EPHB1: variants seen among roughly 807,000 people sequenced by gnomAD.
EPHB1 encodes the protein ephrin type-B receptor 1.
A neutral mutation model predicts 94.4 loss-of-function variants in EPHB1; 30 were observed. The ratio of observed to expected loss-of-function variants is 0.32; its 90% CI spans 0.24 to 0.43. The LOEUF (loss-of-function observed/expected upper bound fraction) is 0.43, where lower values mean the gene tolerates loss of function less well. Among genes scored for constraint, EPHB1 ranks in the 20% least tolerant of loss-of-function variants. EPHB1 has a pLI of 1.00. For synonymous variants in EPHB1, 522 were observed against 489.1 expected (o/e 1.07, Z -0.89); for missense variants, 1,055 against 1,308.3 (o/e 0.81, Z 2.99).
intron 3 of EPHB1, among the ~76,000 whole-genome samples, chr3:135,100,011 A>G (rs1429933900): frequency 6.6e-6 from 1 of 152,136 alleles, no homozygotes; most frequent in East Asian, 1.9e-4. Context: ...AGAAAAAGGC[A>G]CCCAGTTCTT....
chr3:134,802,503 G>T (rs192400820), intron 1 of EPHB1, among the ~76,000 whole-genome samples: 2 of 152,272 alleles, frequency 1.3e-5, no homozygotes, highest in Admixed American at 6.5e-5. Context: ...TCAGACATCA[G>T]GGATCGGAAA....
chr3:134,839,508 A>G (rs1177211938), intron 1 of EPHB1, among the ~76,000 whole-genome samples: 1 of 152,126 alleles, frequency 6.6e-6, no homozygotes, highest in Non-Finnish European at 1.5e-5. Context: ...GTTAAAAGGC[A>G]GAGGGGTAGG....
intron 12 of EPHB1, among the ~76,000 whole-genome samples, chr3:135,232,781 A>G (rs1576487210): frequency 6.6e-6 from 1 of 152,174 alleles, no homozygotes; most frequent in South Asian, 2.1e-4. Context: ...ATGGCTGGGG[A>G]GGCTTCAGGA....
intron 1 of EPHB1, among the ~76,000 whole-genome samples, chr3:134,826,251 C>CAAAAAAAAA (rs34084951): frequency 4.7e-4 from 56 of 118,964 alleles, no homozygotes; most frequent in South Asian, 3.2e-3. Context: ...GACTCCATCT[C>CAAAAAAAAA]AAAAAAAAAA....
intron 3 of EPHB1, among the ~76,000 whole-genome samples, chr3:135,009,608 G>C (rs1935550174): frequency 1.3e-5 from 2 of 152,182 alleles, no homozygotes; most frequent in Admixed American, 1.3e-4. Flanking sequence ...AGAGACAGAG[G>C]GTTTGCAACT....
intron 3 of EPHB1, among the ~76,000 whole-genome samples, chr3:134,977,782 C>A (rs190527516): frequency 6.6e-6 from 1 of 152,170 alleles, no homozygotes; most frequent in African/African-American, 2.4e-5. Flanking sequence ...CTAGAGCCCA[C>A]AGTTTGCTCC....
At chr3:135,190,684 T>G (rs1469007948) in intron 10 of EPHB1, among the ~76,000 whole-genome samples, 1 of 152,248 alleles carries the variant, frequency 6.6e-6, no homozygotes, top group Non-Finnish European at 1.5e-5. Context: ...GATGCTGCAG[T>G]AAATATATTT....
chr3:135,050,219 T>C (rs1317469582), intron 3 of EPHB1, among the ~76,000 whole-genome samples: 3 of 152,154 alleles, frequency 2.0e-5, no homozygotes, highest in Non-Finnish European at 4.4e-5. Context: ...TTACACATGA[T>C]TTTGCTTTAT....
intron 1 of EPHB1, among the ~76,000 whole-genome samples, chr3:134,868,430 AC>A (rs1035256391): frequency 2.6e-5 from 4 of 152,224 alleles, no homozygotes; most frequent in African/African-American, 9.6e-5. Context: ...AATGAAGGTT[AC>A]AAGGAATACA....
chr3:134,953,943 T>C (rs1933138666), intron 3 of EPHB1, among the ~76,000 whole-genome samples: 1 of 152,192 alleles, frequency 6.6e-6, no homozygotes, highest in Non-Finnish European at 1.5e-5. Context: ...CCCTCCTGAG[T>C]TTTGTTGGAC....
chr3:134,830,342 C>G (rs1190363909), intron 1 of EPHB1, among the ~76,000 whole-genome samples: 1 of 152,230 alleles, frequency 6.6e-6, no homozygotes, highest in Non-Finnish European at 1.5e-5. Context: ...ATAGTGCTAT[C>G]TCACCTGTAG....
intron 3 of EPHB1, among the ~76,000 whole-genome samples, chr3:135,100,625 A>G (rs1939001884): frequency 6.6e-6 from 1 of 152,176 alleles, no homozygotes; most frequent in African/African-American, 2.4e-5. Flanking sequence ...CTGTTTCTTT[A>G]TAAAGTAATA....
At chr3:135,173,015 C>CT (rs1463670073) in intron 9 of EPHB1, among the ~76,000 whole-genome samples, 1 of 151,376 alleles carries the variant, frequency 6.6e-6, no homozygotes, top group African/African-American at 2.4e-5. Context: ...AGATGTTAAG[C>CT]TTTTTTTCTG....
intron 3 of EPHB1, among the ~76,000 whole-genome samples, chr3:135,009,580 A>G (rs912553356): frequency 1.3e-5 from 2 of 152,212 alleles, no homozygotes; most frequent in African/African-American, 4.8e-5. Flanking sequence ...ACTGAGCCTG[A>G]GGGCCCCCAG....
intron 1 of EPHB1, among the ~76,000 whole-genome samples, chr3:134,840,044 C>G (rs2036747948): frequency 6.6e-6 from 1 of 152,122 alleles, no homozygotes. Flanking sequence ...TAAGAAATCT[C>G]TTTTTTTCTA....
At chr3:134,870,114 A>G (rs912789317) in intron 1 of EPHB1, among the ~76,000 whole-genome samples, 1 of 152,144 alleles carries the variant, frequency 6.6e-6, no homozygotes, top group African/African-American at 2.4e-5. Context: ...GCTGGCATAG[A>G]TGGGTTAATT....
intron 1 of EPHB1, among the ~76,000 whole-genome samples, chr3:134,829,169 C>T (rs963729190): frequency 6.6e-6 from 1 of 152,200 alleles, no homozygotes; most frequent in African/African-American, 2.4e-5. Flanking sequence ...GTGAGACACA[C>T]AATTATTTAG....
chr3:135,030,624 C>G (rs568971), intron 3 of EPHB1, among the ~76,000 whole-genome samples: 3,054 of 152,312 alleles, frequency 0.02, 96 homozygotes, highest in African/African-American at 0.069. Context: ...CTGCTCTCTT[C>G]GAAGCTGTCA....
chr3:135,114,537 T>C (rs1407293779), intron 4 of EPHB1, among the ~76,000 whole-genome samples: 20 of 37,216 alleles, frequency 5.4e-4, no homozygotes, highest in Admixed American at 1.5e-3. Context: ...CTGTCTCTAC[T>C]AAAAAAAAAA....
Sources: gnomAD v4.1 joint callset for allele counts (sites outside exome capture counted in the v4.1 genomes callset) on GRCh38, gnomAD v4.1.1 for gene constraint, MANE v1.5 for transcripts, NCBI Gene and HGNC (gene_info 2026-07-23, HGNC 2026-07-21) for gene names.